CCNL2: variants seen among roughly 807,000 people sequenced by gnomAD.
CCNL2 encodes cyclin-L2.
Under a neutral mutation model 59.1 loss-of-function variants are expected in CCNL2, and 28 were observed. That is an observed-to-expected ratio of 0.47 (90% confidence interval 0.35 to 0.65). The LOEUF (loss-of-function observed/expected upper bound fraction) is 0.65, where lower values mean the gene tolerates loss of function less well. Among genes scored for constraint, CCNL2 ranks in the 30% least tolerant of loss-of-function variants. CCNL2 has a pLI of 0.00. For missense variants in CCNL2, 714 were observed against 717.4 expected (o/e 1.00, Z 0.05); for synonymous variants, 342 against 288.6 (o/e 1.19, Z -1.88).
chr1:1,398,816 G>A, intron 1 of CCNL2, 145 bp from the exon 2 acceptor site: 10 of 1,260,278 alleles, frequency 7.9e-6, no homozygotes, highest in East Asian at 2.4e-5. Context: ...GCGTCCCGCC[G>A]TCTCGGGATC....
intron 3 of CCNL2, among the ~76,000 whole-genome samples, chr1:1,397,036 T>C (rs936418100): frequency 3.0e-4 from 46 of 152,122 alleles, no homozygotes; most frequent in African/African-American, 1.0e-3. Context: ...CGTGAGCCAC[T>C]GCACCTGGCC....
At chr1:1,397,923 C>T (rs922492150) in intron 3 of CCNL2, among the ~76,000 whole-genome samples, 9 of 152,240 alleles carry the variant, frequency 5.9e-5, no homozygotes, top group Non-Finnish European at 2.9e-5. Flanking sequence ...ATTCCCTGCT[C>T]CAGAGCACTC....
intron 7 of CCNL2, 23 bp from the exon 8 acceptor site, chr1:1,390,394 G>A (rs371330414): frequency 1.3e-5 from 21 of 1,611,256 alleles, no homozygotes; most frequent in African/African-American, 1.1e-4. Flanking sequence ...GAAGGTGTCC[G>A]TTCAGAACCA....
chr1:1,392,842 G>C (rs1644825519), intron 5 of CCNL2: 1 of 1,603,010 alleles, frequency 6.2e-7, no homozygotes, highest in African/African-American at 1.3e-5. Context: ...AGTCAAAATA[G>C]GTTCTCTATT....
In CCNL2 at chr1:1,398,749, G is replaced by A. The variant is rs530764625; in HGVS notation, c.289-78C>T. On this transcript the variant is annotated intron_variant, in intron 1 of 10. Transcript: ENST00000400809. ...CGGCCGAAAGTCATCGAGTAACGTG[G>A]GACTCCCCACGCAGAACCAAACACT... The A allele has an allele frequency of 5.1e-6, 7 of 1,359,806 alleles. No individual in the cohort carries two copies. The South Asian group carries it at 8.2e-5, about 16-fold the overall frequency. The allele number at this position is 1,359,806 out of a possible 1,614,324, so 84.2% of individuals were successfully genotyped here.
Position 1,398,298 on chromosome 1 carries a change from C to T in CCNL2, c.408G>A (p.Glu136=). 1 of 1,614,194 alleles carries T rather than the reference C, an allele frequency of 6.2e-7. No homozygotes were observed. The highest frequency in any genetic ancestry group is 8.5e-7 in the Non-Finnish European group (1 of 1,180,028). ...TGACGTCCCGTATGCGTCTTGGGGC[C>T]TCTTCTATCTTGGAAGCCAGGTGGA... is the stretch of plus-strand genomic sequence containing the variant. ...ACVHLASKIE[E]APRRIRDVIN... The change falls in exon 3 of 11, where the codon GAG becomes GAA. Residue 136 remains glutamate (E), a synonymous_variant. Transcript: ENST00000400809.
In CCNL2 at chr1:1,385,779, G is replaced by C. The variant is rs1387299262; in HGVS notation, c.*1452C>G. The C allele has an allele frequency of 6.6e-6, 1 of 152,212 alleles. No homozygotes were observed. Among genetic ancestry groups the C allele is most frequent in the East Asian group, 1.9e-4 (1 of 5,198 alleles). 9.4% of individuals were successfully genotyped at this position (152,212 alleles called of 1,614,324 possible). A position where few individuals can be genotyped will look rare whatever the true frequency, so the allele number is the denominator to read the frequency against. ...ATTTAGTAAAAAAAGAAAGCAAATGGAGAGCGGTCTCTTGGGTACAGGTGT... is the reference window on the plus strand; with the variant it reads ...ATTTAGTAAAAAAAGAAAGCAAATGCAGAGCGGTCTCTTGGGTACAGGTGT... On this transcript the variant is annotated 3_prime_UTR_variant, in exon 11 of 11. Transcript: ENST00000400809.
intron 10 of CCNL2, 42 bp from the exon 11 acceptor site, chr1:1,387,624 C>G (rs188718599): frequency 1.4e-6 from 2 of 1,444,958 alleles, no homozygotes; most frequent in Non-Finnish European, 1.8e-6. Context: ...GACCATCTGG[C>G]CCGGCCAGGC....
chr1:1,398,401 C>T, intron 2 of CCNL2, 59 bp from the exon 3 acceptor site: 1 of 1,610,824 alleles, frequency 6.2e-7, no homozygotes, highest in Non-Finnish European at 8.5e-7. Flanking sequence ...GTCCTGACGG[C>T]CGCCAAAGGC....
chr1:1,393,572 C>T, intron 4 of CCNL2, 112 bp from the exon 5 acceptor site: 9 of 903,188 alleles, frequency 1.0e-5, no homozygotes, highest in South Asian at 1.4e-5. Flanking sequence ...CCAGGAGTGG[C>T]TCCTGGCCAC....
chr1:1,390,406 G>A (rs1644700827), intron 7 of CCNL2, 35 bp from the exon 8 acceptor site: 2 of 1,611,502 alleles, frequency 1.2e-6, no homozygotes, highest in African/African-American at 1.3e-5. Flanking sequence ...TCAGAACCAG[G>A]TGTTTCTGGC....
chr1:1,393,656 C>T lies in CCNL2; in HGVS notation c.595-196G>A, dbSNP rs556980616. ...TGTCTGCCTTGGCAGCCAGGCAGGA[C>T]GCATGCCCGTGAGCCCAGCCACACA... On this transcript the variant is annotated intron_variant, in intron 4 of 10. Transcript: ENST00000400809. 4.6e-5 allele frequency among the ~76,000 whole-genome samples: 7 copies of T among 152,326 alleles called. No homozygotes were observed. The East Asian group carries it at 7.7e-4, about 17-fold the overall frequency.
In CCNL2 at chr1:1,388,009, T is replaced by G. The variant is rs1217111066; in HGVS notation, c.1063A>C (p.Thr355Pro). ...TTGGCGCCCTCCAGCCTCCTCTTGG[T>G]GTTCTTCACAGACAGTGGGGAAGGC... ...SKPSPLSVKN[T>P]KRRLEGAKKA... Residue 355 changes from threonine (T) to proline (P), a missense_variant, in exon 9 of 11, where the codon ACC becomes CCC. Transcript: ENST00000400809. 1 of 1,614,098 alleles carries G rather than the reference T, an allele frequency of 6.2e-7. No homozygotes were observed. The highest frequency in any genetic ancestry group is 1.7e-5 in the Admixed American group (1 of 60,034).
At chr1:1,393,486 T>C (rs760192030) in intron 4 of CCNL2, 26 bp from the exon 5 acceptor site, 3 of 1,607,062 alleles carry the variant, frequency 1.9e-6, no homozygotes, top group Non-Finnish European at 2.6e-6. Context: ...CAGGCAGTTA[T>C]TACCAAGAAC....
intron 4 of CCNL2, 114 bp downstream of exon 4, chr1:1,395,280 G>T: frequency 8.7e-7 from 1 of 1,153,324 alleles, no homozygotes; most frequent in Non-Finnish European, 1.2e-6. Flanking sequence ...GGAAAGCCAA[G>T]TCAGGGATGC....
At chr1:1,388,717 TC>T in intron 8 of CCNL2, 1 of 387,080 alleles carries the variant, frequency 2.6e-6, no homozygotes. Context: ...CTTGCAGTGA[TC>T]CCAGATAGCG....
rs766883143 is a variant in CCNL2, at chr1:1,387,301, G to C, written c.1493C>G (p.Ser498Trp). 1 of 1,613,560 alleles carries C rather than the reference G, an allele frequency of 6.2e-7. No individual in the cohort carries two copies. Among genetic ancestry groups the C allele is most frequent in the East Asian group, 2.2e-5 (1 of 44,884 alleles). The change falls in exon 11 of 11, where the codon TCG becomes TGG. Residue 498 changes from serine to tryptophan, a missense_variant. By Grantham distance (177) the Ser-to-Trp change is radical. This residue lies in a region of CCNL2 where 403 missense variants were observed against 377.7 expected (regional missense o/e 1.07). Coordinates refer to ENST00000400809, the MANE Select transcript of CCNL2 (RefSeq NM_030937.6). Reference protein sequence around the residue: ...HYYRDQRRERSRSYERTGRRY... With the variant: ...HYYRDQRRERWRSYERTGRRY... ...ACGGCCTGTGCGTTCATACGACCTC[G>C]AGCGCTCTCGTCGCTGATCTCTGTA...
At chr1:1,391,578 T>C in intron 5 of CCNL2, 1 of 1,304,246 alleles carries the variant, frequency 7.7e-7, no homozygotes, top group Non-Finnish European at 1.0e-6. Context: ...CAAGGGGTCT[T>C]AAAATGAACA....
Position 1,390,774 on chromosome 1 carries a change from T to C in CCNL2, c.751A>G (p.Thr251Ala), listed in dbSNP as rs778804821. The part of the protein sequence containing the change: ...ACACIYLAAR[T>A]LEIPLPNRPH... Reference sequence around the variant, plus strand: ...AGTAGCAACACACTGACCTCCAGCGTCCGGGCAGCAAGATAAATGCAGGCA... The same window carrying C: ...AGTAGCAACACACTGACCTCCAGCGCCCGGGCAGCAAGATAAATGCAGGCA... The change falls in exon 6 of 11, where the codon ACG becomes GCG. Residue 251 changes from threonine to alanine, a missense_variant. Physicochemically the swap from Thr to Ala is moderately conservative, Grantham distance 58. Transcript: ENST00000400809. The C allele has an allele frequency of 6.2e-7, 1 of 1,613,942 alleles. No homozygotes were observed. The highest frequency in any genetic ancestry group is 8.5e-7 in the Non-Finnish European group (1 of 1,179,904).
Sources: gnomAD v4.1 joint callset for allele counts (sites outside exome capture counted in the v4.1 genomes callset) on GRCh38, gnomAD v4.1.1 for gene constraint, gnomAD v4.1.1 regional missense constraint, MANE v1.5 for transcripts, NCBI Gene and HGNC (gene_info 2026-07-23, HGNC 2026-07-21) for gene names.